Variants in DAB2 observed in about 807,000 individuals in gnomAD.
The protein encoded by DAB2 is disabled homolog 2.
DAB2 carries 28 observed loss-of-function variants against 71.6 expected under a neutral mutation model. The observed-to-expected ratio is 0.39, with a 90% CI of 0.29 to 0.54. DAB2 has a LOEUF of 0.54. Ranked by LOEUF, DAB2 falls within the 20% of genes least tolerant of loss-of-function variation. DAB2 has a pLI of 0.68. For synonymous variants in DAB2, 345 were observed against 339.7 expected, an observed-to-expected ratio of 1.02 and a Z score of -0.17; for missense variants, 867 against 928.8, an observed-to-expected ratio of 0.93 and a Z score of 0.86.
chr5:39,424,665 A>C lies in DAB2; in HGVS notation c.-102+139T>G, dbSNP rs1022501292. 3 of 142,208 alleles carry C rather than the reference A, an allele frequency of 2.1e-5. No homozygotes were observed. The East Asian group carries it at 7.2e-4, about 34-fold the overall frequency. 8.8% of individuals were successfully genotyped at this position (142,208 alleles called of 1,614,324 possible). A position where few individuals can be genotyped will look rare whatever the true frequency, so the allele number is the denominator to read the frequency against. ...CCCCAAGCACAGGGTCTCATTTCTA[A>C]GATTCCCCACAGCCCAAGGTCTGTA... On this transcript the variant is annotated intron_variant, in intron 1 of 14. Transcript: ENST00000320816.
chr5:39,422,313 T>C lies in DAB2; in HGVS notation c.-102+2491A>G, dbSNP rs1484567951. Among the ~76,000 whole-genome samples the C allele has an allele frequency of 6.6e-6, 1 of 152,144 alleles. No homozygotes were observed. The highest frequency in any genetic ancestry group is 1.9e-4 in the East Asian group (1 of 5,184). On this transcript the variant is annotated intron_variant, in intron 1 of 14. Coordinates refer to ENST00000320816, the MANE Select transcript of DAB2 (RefSeq NM_001343.4). This position sits in a 1 kb window ranked among gnomAD's most constrained non-coding sequence, Gnocchi z 4.1. ...TAGTTACCTAAACCTTCCTGGCCAG[T>C]AAGCTTTCGAATCTTTCCAGCTGGG...
At chr5:39,417,085 T>C (rs1024200407) in intron 1 of DAB2, 1 of 151,980 alleles carries the variant, frequency 6.6e-6, no homozygotes, top group Non-Finnish European at 1.5e-5. Flanking sequence ...TTCTCATTTG[T>C]AAGTGGGAGT....
At chr5:39,414,235 C>T (rs1579926909) in intron 1 of DAB2, among the ~76,000 whole-genome samples, 1 of 151,994 alleles carries the variant, frequency 6.6e-6, no homozygotes, top group South Asian at 2.1e-4. Context: ...TTTAAAGAGC[C>T]TAATGGATAT....
intron 9 of DAB2, 152 bp from the exon 10 acceptor site, chr5:39,383,423 C>T (rs971762534): frequency 1.4e-5 from 9 of 642,784 alleles, no homozygotes; most frequent in African/African-American, 3.7e-5. Context: ...CATCAACCCC[C>T]GTAGTCCATT....
Position 39,382,863 on chromosome 5 carries a change from A to T in DAB2, c.1096T>A (p.Phe366Ile). 1 of 1,614,142 alleles carries T rather than the reference A, an allele frequency of 6.2e-7. No individual in the cohort carries two copies. Among genetic ancestry groups the T allele is most frequent in the Non-Finnish European group, 8.5e-7 (1 of 1,180,028 alleles). ...KQEAQAGPWPFSSSQTQPAVR... is the reference protein window; with the variant it reads ...KQEAQAGPWPISSSQTQPAVR... ...GCTGGCTGGGTTTGCGAACTTGAAA[A>T]GGGCCATGGGCCTGCCTGAGCTTCC... is the stretch of plus-strand genomic sequence containing the variant. The change falls in exon 10 of 15, where the codon TTT becomes ATT. Residue 366 changes from phenylalanine (F) to isoleucine (I), a missense_variant. By Grantham distance (21) the Phe-to-Ile change is conservative. Around this residue, in one of 2 missense-constraint regions of DAB2, gnomAD observed 740 missense variants for 734.3 expected, o/e 1.01. Transcript: ENST00000320816.
At chr5:39,374,218 G>C (rs977988119) in intron 14 of DAB2, among the ~76,000 whole-genome samples, 6 of 152,104 alleles carry the variant, frequency 3.9e-5, no homozygotes, top group African/African-American at 1.4e-4. Context: ...TGTTGTTGTT[G>C]TTGTTGTTTT....
At chr5:39,391,916 G>C (rs1165229091) in intron 4 of DAB2, among the ~76,000 whole-genome samples, 1 of 149,196 alleles carries the variant, frequency 6.7e-6, no homozygotes, top group Non-Finnish European at 1.5e-5. Context: ...ATACATAAAA[G>C]TGTCACAAAC....
chr5:39,376,476 A>C (rs1201380582), intron 12 of DAB2, among the ~76,000 whole-genome samples, 174 bp downstream of exon 12: 1 of 152,160 alleles, frequency 6.6e-6, no homozygotes, highest in East Asian at 1.9e-4. Context: ...ACTAAGGTAA[A>C]TAGTTATCAC....
Position 39,422,301 on chromosome 5 carries a change from C to G in DAB2, c.-102+2503G>C, listed in dbSNP as rs1055460944. On this transcript the variant is annotated intron_variant, in intron 1 of 14. Transcript: ENST00000320816. The surrounding 1 kb of genome is among the most constrained non-coding windows in gnomAD (Gnocchi z 4.1). ...TATGTGTTTGGTTAGTTACCTAAACCTTCCTGGCCAGTAAGCTTTCGAATC... is the reference window on the plus strand; with the variant it reads ...TATGTGTTTGGTTAGTTACCTAAACGTTCCTGGCCAGTAAGCTTTCGAATC... 6.6e-6 allele frequency among the ~76,000 whole-genome samples: 1 copy of G among 152,140 alleles called. No homozygotes were observed. Among genetic ancestry groups the G allele is most frequent in the South Asian group, 2.1e-4 (1 of 4,822 alleles).
intron 6 of DAB2, 61 bp from the exon 7 acceptor site, chr5:39,389,184 A>G (rs1388006849): frequency 1.5e-6 from 2 of 1,340,160 alleles, no homozygotes; most frequent in African/African-American, 1.4e-5. Flanking sequence ...AGTTAAATAC[A>G]CAAACAAGTA....
intron 1 of DAB2, among the ~76,000 whole-genome samples, chr5:39,420,992 A>G (rs553686432): frequency 2.0e-5 from 3 of 152,190 alleles, no homozygotes; most frequent in Non-Finnish European, 4.4e-5. Flanking sequence ...CTCCCTTCCC[A>G]CTTCCTTCTG....
In DAB2 at chr5:39,373,966, C is replaced by T. The variant is rs551886500; in HGVS notation, c.*6-541G>A. On this transcript the variant is annotated intron_variant, in intron 14 of 14. Coordinates refer to ENST00000320816, the MANE Select transcript of DAB2 (RefSeq NM_001343.4). ...GGCTGCAGTAGGACCCAGGAATTTG[C>T]ATTTTTAATGATTTACCCAGTTCTC... Among the ~76,000 whole-genome samples, 209 of 152,224 alleles carry T rather than the reference C, an allele frequency of 1.4e-3. 10 individuals carry two copies. The South Asian group carries it at 0.04, about 29-fold the overall frequency.
chr5:39,422,972 C>T lies in DAB2; in HGVS notation c.-102+1832G>A, dbSNP rs1756023556. 6.6e-6 allele frequency among the ~76,000 whole-genome samples: 1 copy of T among 152,158 alleles called. No individual in the cohort carries two copies. The highest frequency in any genetic ancestry group is 1.5e-5 in the Non-Finnish European group (1 of 68,026). ...AGTGCTTTCTTCCCTCACTTACATC[C>T]TCAGGTAAAGATCAACCATCAAGAT... On this transcript the variant is annotated intron_variant, in intron 1 of 14. Transcript: ENST00000320816. This position sits in a 1 kb window ranked among gnomAD's most constrained non-coding sequence, Gnocchi z 4.1.
rs770579674 is a variant in DAB2, at chr5:39,382,877, G to C, written c.1082C>G (p.Ala361Gly). 1.2e-6 allele frequency: 2 copies of C among 1,614,170 alleles called. No homozygotes were observed. The highest frequency in any genetic ancestry group is 2.7e-5 in the African/African-American group (2 of 75,052). ...SNRTGKQEAQ[A>G]GPWPFSSSQT... is the part of the protein sequence containing the mutation. ...CGAACTTGAAAAGGGCCATGGGCCT[G>C]CCTGAGCTTCCTGTTTGCCAGTCCG... Residue 361 changes from alanine (A) to glycine (G), a missense_variant, in exon 10 of 15, where the codon GCA (alanine) becomes GGA (glycine). Coordinates refer to ENST00000320816, the MANE Select transcript of DAB2 (RefSeq NM_001343.4).
At chr5:39,390,391 C>T in intron 5 of DAB2, 53 bp downstream of exon 5, 1 of 1,572,808 alleles carries the variant, frequency 6.4e-7, no homozygotes, top group Non-Finnish European at 8.6e-7. Context: ...GACAGACACT[C>T]CAATGTCCAC....
chr5:39,420,193 T>C lies in DAB2; in HGVS notation c.-102+4611A>G, dbSNP rs377549953. ...TGTGAAATACACATCAAGCTAAATGTCCAATTTTGAAAGACTGAATTAATT... is the reference window on the plus strand; with the variant it reads ...TGTGAAATACACATCAAGCTAAATGCCCAATTTTGAAAGACTGAATTAATT... On this transcript the variant is annotated intron_variant, in intron 1 of 14. Coordinates refer to ENST00000320816, the MANE Select transcript of DAB2 (RefSeq NM_001343.4). Among the ~76,000 whole-genome samples the C allele has an allele frequency of 1.4e-3, 207 of 152,346 alleles. 11 individuals are homozygous for C. In the South Asian group the frequency reaches 0.04, roughly 29 times the overall value.
intron 1 of DAB2, among the ~76,000 whole-genome samples, chr5:39,409,599 G>T (rs1755676188): frequency 1.3e-5 from 2 of 152,144 alleles, no homozygotes; most frequent in Non-Finnish European, 1.5e-5. Context: ...AATCACACCT[G>T]TTAGTATCAT....
intron 1 of DAB2, chr5:39,423,978 A>G (rs2112122957): frequency 6.6e-6 from 1 of 152,256 alleles, no homozygotes; most frequent in South Asian, 2.1e-4. Context: ...AATCCAGTTG[A>G]ATTTCCCTTT....
intron 11 of DAB2, among the ~76,000 whole-genome samples, chr5:39,378,762 T>C (rs1754890155): frequency 6.6e-6 from 1 of 152,198 alleles, no homozygotes; most frequent in African/African-American, 2.4e-5. Context: ...GCACACTGGC[T>C]CTAAATCCGG....
Sources: allele counts gnomAD v4.1 joint callset (sites outside exome capture counted in the v4.1 genomes callset), GRCh38; gene constraint gnomAD v4.1.1; regional missense constraint gnomAD v4.1.1; non-coding constraint Gnocchi (gnomAD v3.1); transcripts MANE v1.5; gene names NCBI Gene and HGNC (gene_info 2026-07-23, HGNC 2026-07-21).